CEP128: variants seen among roughly 807,000 people sequenced by gnomAD.
The protein encoded by CEP128 is centrosomal protein 128.
Under a neutral mutation model 156.7 loss-of-function variants are expected in CEP128, and 132 were observed. The ratio of observed to expected loss-of-function variants is 0.84; its 90% CI spans 0.73 to 0.97. CEP128 has a LOEUF of 0.97. Ranked by LOEUF, CEP128 falls within the 50% of genes least tolerant of loss-of-function variation. CEP128 has a pLI of 0.00. For missense variants in CEP128, 1,252 were observed against 1,281.9 expected (o/e 0.98, Z 0.36); for synonymous variants, 469 against 448.9 (o/e 1.04, Z -0.57).
At chr14:80,905,147 T>C (rs761372497) in intron 5 of CEP128, among the ~76,000 whole-genome samples, 14 of 151,290 alleles carry the variant, frequency 9.3e-5, no homozygotes, top group Admixed American at 2.0e-4. Flanking sequence ...AGAAATAACC[T>C]GGAAATAGAA....
At chr14:80,615,327 T>C (rs1893165092) in intron 19 of CEP128, among the ~76,000 whole-genome samples, 2 of 152,234 alleles carry the variant, frequency 1.3e-5, no homozygotes, top group African/African-American at 4.8e-5. Flanking sequence ...CTATGTGATA[T>C]TAATTTTGCC....
At chr14:80,601,792 G>A (rs774386594) in intron 19 of CEP128, among the ~76,000 whole-genome samples, 60 of 152,116 alleles carry the variant, frequency 3.9e-4, no homozygotes, top group Middle Eastern at 3.2e-3. Context: ...CTAGGCAATA[G>A]AAATTTTTCA....
At chr14:80,689,598 A>G (rs976660377) in intron 19 of CEP128, among the ~76,000 whole-genome samples, 8 of 152,196 alleles carry the variant, frequency 5.3e-5, no homozygotes, top group African/African-American at 1.7e-4. Flanking sequence ...AATATGCTGA[A>G]TATGTTAGAC....
rs578014349 is a variant in CEP128, at chr14:80,913,761, AC to A, written c.234+560del. Among the ~76,000 whole-genome samples, 23 of 152,204 alleles carry A rather than the reference AC, an allele frequency of 1.5e-4. No homozygotes were observed. In the South Asian group the frequency reaches 4.8e-3, roughly 32 times the overall value. ...CAGAGTGGTATAATGGACAGTGGAG[AC>A]TCAGAAGGGAGGAGGTTGGGAGCAG... On this transcript the variant is annotated intron_variant, in intron 4 of 24. Coordinates refer to ENST00000555265, the MANE Select transcript of CEP128 (RefSeq NM_152446.5).
chr14:80,664,586 C>T (rs1895536640), intron 19 of CEP128, among the ~76,000 whole-genome samples: 1 of 152,058 alleles, frequency 6.6e-6, no homozygotes, highest in African/African-American at 2.4e-5. Flanking sequence ...TTATTTATCT[C>T]CATTTTGCAA....
chr14:80,653,688 G>A (rs976236342), intron 19 of CEP128, among the ~76,000 whole-genome samples: 2 of 151,958 alleles, frequency 1.3e-5, no homozygotes, highest in East Asian at 1.9e-4. Context: ...AAAAATTATC[G>A]GGCCCTTAAG....
At chr14:80,868,862 A>C (rs1887897595) in intron 8 of CEP128, among the ~76,000 whole-genome samples, 1 of 152,104 alleles carries the variant, frequency 6.6e-6, no homozygotes, top group African/African-American at 2.4e-5. Flanking sequence ...TACTTACATC[A>C]GAGAAAATAC....
chr14:80,931,103 T>C (rs990778936), intron 2 of CEP128, among the ~76,000 whole-genome samples: 7 of 152,228 alleles, frequency 4.6e-5, no homozygotes, highest in African/African-American at 1.7e-4. Flanking sequence ...TTATGTGATA[T>C]ATTTTTCAGG....
intron 19 of CEP128, among the ~76,000 whole-genome samples, chr14:80,669,386 T>G (rs1347456284): frequency 3.9e-5 from 6 of 151,958 alleles, no homozygotes; most frequent in African/African-American, 1.4e-4. Context: ...ACCTGCAGAA[T>G]GGGAGAAAAT....
intron 19 of CEP128, among the ~76,000 whole-genome samples, chr14:80,596,792 A>C (rs1207985603): frequency 8.4e-6 from 1 of 118,978 alleles, no homozygotes; most frequent in Non-Finnish European, 1.6e-5. Context: ...ATTGCACTCT[A>C]GTCTGAGTAA....
rs145866167 is a variant in CEP128 at position 80,772,131 on chromosome 14, C to T, written c.2376+5751G>A. Among the ~76,000 whole-genome samples the T allele has an allele frequency of 5.6e-3, 856 of 152,226 alleles. 6 individuals carry two copies. Among genetic ancestry groups the T allele is most frequent in the Non-Finnish European group, 8.6e-3 (587 of 68,004 alleles). ...GGGCAGCTGCCCACAAAGGCTGCAC[C>T]CTCAAGGCTGGAAACCATGGCCCTA... On this transcript the variant is annotated intron_variant, in intron 16 of 24. Coordinates refer to ENST00000555265, the MANE Select transcript of CEP128 (RefSeq NM_152446.5).
At position 80,925,132 on chromosome 14, in the gene CEP128, G is replaced by A. The variant is rs143058550; in HGVS notation, c.-15-8570C>T. Among the ~76,000 whole-genome samples, 255 of 152,214 alleles carry A rather than the reference G, an allele frequency of 1.7e-3. 2 individuals carry two copies. The highest frequency in any genetic ancestry group is 5.7e-3 in the African/African-American group (235 of 41,560). ...TCAATTAGAAAGAGAGGATCAATTTGTGTTTCATGGGAGGAAATATCAAAC... is the reference window on the plus strand; with the variant it reads ...TCAATTAGAAAGAGAGGATCAATTTATGTTTCATGGGAGGAAATATCAAAC... On this transcript the variant is annotated intron_variant, in intron 2 of 24. Transcript: ENST00000555265.
intron 19 of CEP128, among the ~76,000 whole-genome samples, chr14:80,648,011 A>T (rs1049210966): frequency 6.6e-6 from 1 of 152,120 alleles, no homozygotes; most frequent in Non-Finnish European, 1.5e-5. Context: ...TACTGTAGAT[A>T]ATATAGCTTA....
At chr14:80,546,855 T>C (rs1890007465) in intron 21 of CEP128, among the ~76,000 whole-genome samples, 1 of 152,208 alleles carries the variant, frequency 6.6e-6, no homozygotes. Flanking sequence ...GGCCTTTTAC[T>C]GTTTGATGTT....
intron 19 of CEP128, among the ~76,000 whole-genome samples, chr14:80,590,394 A>G (rs888572373): frequency 1.3e-5 from 2 of 152,180 alleles, no homozygotes; most frequent in African/African-American, 4.8e-5. Flanking sequence ...GGAAACAATT[A>G]GAATAATAAT....
chr14:80,627,740 C>CTTTTTTTT (rs11287309), intron 19 of CEP128, among the ~76,000 whole-genome samples: 1 of 129,562 alleles, frequency 7.7e-6, no homozygotes, highest in Non-Finnish European at 1.7e-5. Flanking sequence ...TTATTATTTT[C>CTTTTTTTT]TTTTTTTTTT....
At chr14:80,546,914 T>C (rs1890011046) in intron 21 of CEP128, among the ~76,000 whole-genome samples, 1 of 152,224 alleles carries the variant, frequency 6.6e-6, no homozygotes, top group Non-Finnish European at 1.5e-5. Context: ...CATATATTAG[T>C]GTTAAATAAT....
At chr14:80,668,108 C>A (rs1895699439) in intron 19 of CEP128, among the ~76,000 whole-genome samples, 1 of 152,136 alleles carries the variant, frequency 6.6e-6, no homozygotes, top group Non-Finnish European at 1.5e-5. Flanking sequence ...TTATTCCTTG[C>A]ACAATCCCCA....
intron 9 of CEP128, among the ~76,000 whole-genome samples, chr14:80,858,116 G>A (rs1887300493): frequency 6.6e-6 from 1 of 151,888 alleles, no homozygotes; most frequent in Admixed American, 6.6e-5. Flanking sequence ...GAACAAAGCT[G>A]GAGGCATCAC....
Sources: allele counts gnomAD v4.1 joint callset (sites outside exome capture counted in the v4.1 genomes callset), GRCh38; gene constraint gnomAD v4.1.1; transcripts MANE v1.5; gene names NCBI Gene and HGNC (gene_info 2026-07-23, HGNC 2026-07-21).